CAMTA1: variants seen among roughly 807,000 people sequenced by gnomAD.
The protein encoded by CAMTA1 is calmodulin-binding transcription activator 1.
Under a neutral mutation model 170.9 loss-of-function variants are expected in CAMTA1, and 27 were observed. The observed-to-expected ratio is 0.16, with a 90% CI of 0.12 to 0.22. The LOEUF (loss-of-function observed/expected upper bound fraction) is 0.22, where lower values mean the gene tolerates loss of function less well. CAMTA1 is among the 10% of genes least tolerant of loss of function. The probability of loss-of-function intolerance (pLI) is 1.00; values close to 1 mark genes in which losing one functional copy is unlikely to be tolerated. For missense variants in CAMTA1, 1,619 were observed against 2,217.2 expected (o/e 0.73, Z 5.42); for synonymous variants, 833 against 891.5 (o/e 0.93, Z 1.17).
intron 4 of CAMTA1, among the ~76,000 whole-genome samples, chr1:7,163,392 G>A (rs566809601): frequency 6.6e-6 from 1 of 152,150 alleles, no homozygotes; most frequent in South Asian, 2.1e-4. Flanking sequence ...CAGAATAGTG[G>A]CAGGGGTGGA....
At chr1:7,031,883 A>G (rs1702869757) in intron 3 of CAMTA1, among the ~76,000 whole-genome samples, 1 of 151,970 alleles carries the variant, frequency 6.6e-6, no homozygotes. Flanking sequence ...ACTTATATTT[A>G]ATGCAATTAT....
chr1:7,507,293 A>C (rs1239955762), intron 6 of CAMTA1, among the ~76,000 whole-genome samples: 1 of 152,126 alleles, frequency 6.6e-6, no homozygotes, highest in Non-Finnish European at 1.5e-5. Flanking sequence ...ACACGGCTGC[A>C]CACACCCCTA....
rs763938072 is a variant in CAMTA1 at position 7,463,656 on chromosome 1, T to C, written c.439-4174T>C. Among the ~76,000 whole-genome samples the C allele has an allele frequency of 1.9e-4, 29 of 150,626 alleles. No homozygotes were observed. The highest frequency in any genetic ancestry group is 3.6e-4 in the Non-Finnish European group (24 of 67,600). ...AAGGAGAGAGAGACAGATACAGAGA[T>C]AGGAAGAGAGAAACAGATGGTGGGA... On this transcript the variant is annotated intron_variant, in intron 5 of 22. Coordinates refer to ENST00000303635, the MANE Select transcript of CAMTA1 (RefSeq NM_015215.4). This position sits in a 1 kb window ranked among gnomAD's most constrained non-coding sequence, Gnocchi z 4.7.
rs566052712 is a variant in CAMTA1, at chr1:7,682,029, C to T, written c.2914+4296C>T. On this transcript the variant is annotated intron_variant, in intron 11 of 22. Coordinates refer to ENST00000303635, the MANE Select transcript of CAMTA1 (RefSeq NM_015215.4). The surrounding 1 kb of genome is among the most constrained non-coding windows in gnomAD (Gnocchi z 5.0). Reference sequence around the variant, plus strand: ...GGCCCTTCTTGGAACCCCACTAAGCCGCTTAGACTTAGACTCTATTTTCAG... The same window carrying T: ...GGCCCTTCTTGGAACCCCACTAAGCTGCTTAGACTTAGACTCTATTTTCAG... Among the ~76,000 whole-genome samples the T allele has an allele frequency of 6.6e-6, 1 of 151,898 alleles. No individual in the cohort carries two copies. Among genetic ancestry groups the T allele is most frequent in the African/African-American group, 2.4e-5 (1 of 41,352 alleles).
chr1:6,856,494 T>C lies in CAMTA1; in HGVS notation c.234+31284T>C, dbSNP rs183697398. On this transcript the variant is annotated intron_variant, in intron 3 of 22. Coordinates refer to ENST00000303635, the MANE Select transcript of CAMTA1 (RefSeq NM_015215.4). ...CTGATAGGACAGTCAGTCATTCATC[T>C]GAGCTCTTTTGTGCCAGGCACTATT... Among the ~76,000 whole-genome samples, 422 of 152,284 alleles carry C rather than the reference T, an allele frequency of 2.8e-3. 3 individuals carry two copies. The highest frequency in any genetic ancestry group is 3.7e-3 in the Non-Finnish European group (255 of 68,014).
At chr1:7,545,485 A>C (rs1167948834) in intron 6 of CAMTA1, among the ~76,000 whole-genome samples, 5 of 152,106 alleles carry the variant, frequency 3.3e-5, no homozygotes, top group Non-Finnish European at 7.3e-5. Context: ...GCAGTTCTTC[A>C]TTTTGTCATT....
At chr1:7,312,088 A>G (rs1231021105) in intron 5 of CAMTA1, among the ~76,000 whole-genome samples, 1 of 152,074 alleles carries the variant, frequency 6.6e-6, no homozygotes, top group Non-Finnish European at 1.5e-5. Flanking sequence ...GGTCAGTTGT[A>G]CAGATGCCAT....
intron 6 of CAMTA1, among the ~76,000 whole-genome samples, chr1:7,629,377 CCT>C (rs1284505610): frequency 1.3e-5 from 2 of 152,184 alleles, no homozygotes; most frequent in Admixed American, 1.3e-4. Flanking sequence ...TTGCACAACT[CCT>C]TATGGATCAG....
rs1464260318 is a variant in CAMTA1, at chr1:6,868,074, G to T, written c.234+42864G>T. ...CCTGCCTTTGCTTTCCAAAGTGGTGGGATTATAGGCGTGAGCCACAGAAGC... is the reference window on the plus strand; with the variant it reads ...CCTGCCTTTGCTTTCCAAAGTGGTGTGATTATAGGCGTGAGCCACAGAAGC... On this transcript the variant is annotated intron_variant, in intron 3 of 22. Coordinates refer to ENST00000303635, the MANE Select transcript of CAMTA1 (RefSeq NM_015215.4). Among the ~76,000 whole-genome samples, 7 of 152,122 alleles carry T rather than the reference G, an allele frequency of 4.6e-5. No individual in the cohort carries two copies. The East Asian group carries it at 1.3e-3, about 29-fold the overall frequency.
At chr1:7,073,568 C>G (rs1638920310) in intron 3 of CAMTA1, among the ~76,000 whole-genome samples, 1 of 152,030 alleles carries the variant, frequency 6.6e-6, no homozygotes, top group East Asian at 1.9e-4. Flanking sequence ...AAGCAACAGC[C>G]AGAGAAAGCA....
intron 1 of CAMTA1, among the ~76,000 whole-genome samples, chr1:6,814,769 TG>T (rs1265375343): frequency 6.6e-6 from 1 of 152,264 alleles, no homozygotes; most frequent in Admixed American, 6.5e-5. Flanking sequence ...GCTTTAATTC[TG>T]TGGAGACCTA....
At chr1:7,464,975 C>T (rs1434217214) in intron 5 of CAMTA1, among the ~76,000 whole-genome samples, 2 of 152,176 alleles carry the variant, frequency 1.3e-5, no homozygotes, top group Non-Finnish European at 2.9e-5. Context: ...CTGCTTTCCC[C>T]ACTTGGACAG....
chr1:7,339,116 C>T (rs2083604344), intron 5 of CAMTA1, among the ~76,000 whole-genome samples: 1 of 152,162 alleles, frequency 6.6e-6, no homozygotes, highest in African/African-American at 2.4e-5. Flanking sequence ...TTGGGGATTA[C>T]AATTTGACAT....
At chr1:7,628,149 C>T (rs1420237197) in intron 6 of CAMTA1, among the ~76,000 whole-genome samples, 1 of 152,210 alleles carries the variant, frequency 6.6e-6, no homozygotes, top group Non-Finnish European at 1.5e-5. Context: ...CTCCCCTCAG[C>T]CCTGCTCCTC....
At chr1:7,315,537 T>C (rs1284765180) in intron 5 of CAMTA1, among the ~76,000 whole-genome samples, 1 of 152,212 alleles carries the variant, frequency 6.6e-6, no homozygotes, top group African/African-American at 2.4e-5. Flanking sequence ...TGGACAACTC[T>C]TTAAACTTTC....
At chr1:7,430,925 A>T (rs1327903629) in intron 5 of CAMTA1, among the ~76,000 whole-genome samples, 4 of 152,274 alleles carry the variant, frequency 2.6e-5, no homozygotes, top group African/African-American at 9.6e-5. Flanking sequence ...CATTCTCATT[A>T]TATTCCCTTT....
Position 7,732,619 on chromosome 1 carries a change from C to T in CAMTA1, c.3066+20C>T, listed in dbSNP as rs147462930. 4.5e-4 allele frequency: 701 copies of T among 1,566,772 alleles called. 3 individuals carry two copies. The African/African-American group carries it at 8.7e-3, about 19-fold the overall frequency. ...GCACAGGTACGAGGCGGTGCTGATGCTCAGCTCCCATTTCGCTTCATGTTT... is the reference window on the plus strand; with the variant it reads ...GCACAGGTACGAGGCGGTGCTGATGTTCAGCTCCCATTTCGCTTCATGTTT... On this transcript the variant is annotated intron_variant, in intron 12 of 22. Coordinates refer to ENST00000303635, the MANE Select transcript of CAMTA1 (RefSeq NM_015215.4). The surrounding 1 kb of genome is among the most constrained non-coding windows in gnomAD (Gnocchi z 4.1).
chr1:7,280,446 T>C (rs752830952), intron 5 of CAMTA1, among the ~76,000 whole-genome samples: 2 of 152,254 alleles, frequency 1.3e-5, no homozygotes, highest in Non-Finnish European at 2.9e-5. Flanking sequence ...AAGAGGTTTC[T>C]GCAGAAGCAG....
At chr1:7,511,249 G>A (rs1180630536) in intron 6 of CAMTA1, among the ~76,000 whole-genome samples, 1 of 145,248 alleles carries the variant, frequency 6.9e-6, no homozygotes, top group African/African-American at 2.5e-5. Flanking sequence ...TTCAGACTTC[G>A]AATCAGAAAG....
Sources: allele counts gnomAD v4.1 joint callset (sites outside exome capture counted in the v4.1 genomes callset), GRCh38; gene constraint gnomAD v4.1.1; non-coding constraint Gnocchi (gnomAD v3.1); transcripts MANE v1.5; gene names NCBI Gene and HGNC (gene_info 2026-07-23, HGNC 2026-07-21).